The following RBFOX2 variants were observed in gnomAD, a reference collection of about 807,000 sequenced individuals.
RBFOX2 encodes the protein RNA binding fox-1 homolog 2.
RBFOX2 carries 10 observed loss-of-function variants against 49.1 expected under a neutral mutation model. The observed-to-expected ratio is 0.20, with a 90% CI of 0.13 to 0.35. The LOEUF (loss-of-function observed/expected upper bound fraction) is 0.35, where lower values mean the gene tolerates loss of function less well. RBFOX2 is among the 10% of genes least tolerant of loss of function. The pLI is 1.00. For missense variants in RBFOX2, 323 were observed against 486.9 expected, an observed-to-expected ratio of 0.66 and a Z score of 3.17; for synonymous variants, 183 against 187.4, an observed-to-expected ratio of 0.98 and a Z score of 0.19.
intron 1 of RBFOX2, among the ~76,000 whole-genome samples, chr22:35,903,169 T>A (rs568095333): frequency 8.0e-4 from 121 of 152,072 alleles, no homozygotes; most frequent in Non-Finnish European, 1.5e-3. Context: ...TCTATATCTG[T>A]CTCAATTTCT....
At chr22:35,933,601 T>C (rs182751032) in intron 1 of RBFOX2, among the ~76,000 whole-genome samples, 23 of 152,192 alleles carry the variant, frequency 1.5e-4, no homozygotes, top group African/African-American at 3.6e-4. Flanking sequence ...TCTAAAACAA[T>C]AGAACAAAAT....
intron 2 of RBFOX2, among the ~76,000 whole-genome samples, chr22:35,789,798 C>A (rs1947235054): frequency 6.6e-6 from 1 of 152,100 alleles, no homozygotes; most frequent in African/African-American, 2.4e-5. Context: ...GTTTTGGTTT[C>A]TTTTTGTTAT....
At chr22:35,767,743 C>T (rs1024920227) in intron 5 of RBFOX2, among the ~76,000 whole-genome samples, 23 of 152,156 alleles carry the variant, frequency 1.5e-4, no homozygotes, top group Non-Finnish European at 3.1e-4. Flanking sequence ...TTTCCTCCCT[C>T]CCCACAATCT....
In RBFOX2 at chr22:35,902,813, TAA is replaced by T. The variant is rs761309734; in HGVS notation, c.-34+36032_-34+36033del. ...GCACATGCCACCACGCCCAGCTAAT[TAA>T]AAAAAAAAAAAAAAAATTTAGAGAA... On this transcript the variant is annotated intron_variant, in intron 1 of 13. Coordinates refer to the RBFOX2 transcript ENST00000359369. Among the ~76,000 whole-genome samples the T allele has an allele frequency of 2.4e-4, 31 of 128,660 alleles. 1 individual carries two copies. In the South Asian group the frequency reaches 3.8e-3, roughly 16 times the overall value. 84.4% of individuals were successfully genotyped at this position (128,660 alleles called of 152,430 possible). A position where few individuals can be genotyped will look rare whatever the true frequency, so the allele number is the denominator to read the frequency against.
intron 1 of RBFOX2, among the ~76,000 whole-genome samples, chr22:35,961,372 C>G (rs1417256404): frequency 6.6e-6 from 1 of 152,166 alleles, no homozygotes; most frequent in Non-Finnish European, 1.5e-5. Context: ...CTTCTTTCAA[C>G]AAAGAAAATA....
At chr22:35,804,620 G>A (rs2147973356) in intron 2 of RBFOX2, among the ~76,000 whole-genome samples, 1 of 152,116 alleles carries the variant, frequency 6.6e-6, no homozygotes. Context: ...AGGGCTGGGG[G>A]GTGGAGGAAG....
At chr22:35,814,807 T>C (rs1426861743) in intron 1 of RBFOX2, among the ~76,000 whole-genome samples, 2 of 142,962 alleles carry the variant, frequency 1.4e-5, no homozygotes, top group African/African-American at 2.6e-5. Flanking sequence ...GTAATCCTAA[T>C]GCTTTGGGAG....
intron 1 of RBFOX2, among the ~76,000 whole-genome samples, chr22:35,971,778 C>T (rs901394868): frequency 6.6e-6 from 1 of 151,986 alleles, no homozygotes; most frequent in African/African-American, 2.4e-5. Flanking sequence ...TGCAGAGCTG[C>T]ACAGGAAGTG....
chr22:35,826,705 C>A (rs1955812691), intron 1 of RBFOX2, among the ~76,000 whole-genome samples: 1 of 152,142 alleles, frequency 6.6e-6, no homozygotes, highest in East Asian at 1.9e-4. Context: ...TCAGTAGATT[C>A]CTAACACTGC....
intron 1 of RBFOX2, among the ~76,000 whole-genome samples, chr22:35,869,244 T>C (rs1427451473): frequency 6.6e-6 from 1 of 152,050 alleles, no homozygotes; most frequent in African/African-American, 2.4e-5. Flanking sequence ...CACTGCAACC[T>C]GCTTCCTGGG....
intron 1 of RBFOX2, among the ~76,000 whole-genome samples, chr22:35,976,199 C>CT (rs1168486604): frequency 4.6e-5 from 7 of 152,188 alleles, no homozygotes; most frequent in Admixed American, 6.5e-5. Flanking sequence ...TTGATTTCAG[C>CT]TAGGTTCAAC....
At chr22:35,873,504 G>A (rs77169229) in intron 1 of RBFOX2, among the ~76,000 whole-genome samples, 4,191 of 152,238 alleles carry the variant, frequency 0.028, 74 homozygotes, top group South Asian at 0.071. Flanking sequence ...CACTCATAGC[G>A]TAGTTCCTAC....
At chr22:35,742,418 G>A (rs1157618144) in exon 12 of RBFOX2, 1 of 152,638 alleles carries the variant, frequency 6.6e-6, no homozygotes, top group African/African-American at 2.4e-5. Flanking sequence ...TGCTGTCATA[G>A]GTCAGTCATT....
At chr22:35,761,545 T>C in intron 6 of RBFOX2, 77 bp from the exon 8 acceptor site, 5 of 1,502,088 alleles carry the variant, frequency 3.3e-6, no homozygotes, top group Non-Finnish European at 4.6e-6. Context: ...CAAGTTGGCT[T>C]CAGCCATCTC....
intron 1 of RBFOX2, among the ~76,000 whole-genome samples, chr22:35,929,560 C>A (rs1375318861): frequency 1.3e-5 from 2 of 151,948 alleles, no homozygotes; most frequent in Non-Finnish European, 2.9e-5. Flanking sequence ...CCTGGATGAA[C>A]CTCAAAAACA....
At chr22:35,782,638 G>A (rs1283114715) in intron 2 of RBFOX2, among the ~76,000 whole-genome samples, 2 of 152,100 alleles carry the variant, frequency 1.3e-5, no homozygotes, top group Non-Finnish European at 2.9e-5. Flanking sequence ...TTCTTACTCT[G>A]AAACAAATCT....
chr22:35,765,463 A>T (rs1194825201), exon 6 of RBFOX2: 2 of 1,523,316 alleles, frequency 1.3e-6, no homozygotes, highest in South Asian at 2.3e-5. Context: ...TGGTCATTAC[A>T]CGTGCTGTAG....
At chr22:35,781,842 T>C (rs966376826) in intron 2 of RBFOX2, 96 bp from the exon 4 acceptor site, 1 of 1,481,796 alleles carries the variant, frequency 6.7e-7, no homozygotes, top group African/African-American at 1.4e-5. Context: ...AGGGTATGTT[T>C]AAGCAAAAAT....
intron 1 of RBFOX2, among the ~76,000 whole-genome samples, chr22:35,925,256 C>T (rs1193271581): frequency 6.6e-6 from 1 of 151,960 alleles, no homozygotes; most frequent in African/African-American, 2.4e-5. Context: ...CAGTGGCTCA[C>T]ACCTGTAATC....
Sources: allele counts gnomAD v4.1 joint callset (sites outside exome capture counted in the v4.1 genomes callset), GRCh38; gene constraint gnomAD v4.1.1; transcripts MANE v1.5; gene names NCBI Gene and HGNC (gene_info 2026-07-23, HGNC 2026-07-21).